ZNF804B: variants seen among roughly 807,000 people sequenced by gnomAD.
ZNF804B encodes the protein zinc finger 804B.
In ZNF804B, 80 loss-of-function variants were observed where a neutral mutation model predicts 101.4. The ratio of observed to expected loss-of-function variants is 0.79; its 90% CI spans 0.66 to 0.95. The LOEUF (loss-of-function observed/expected upper bound fraction) is 0.95, where lower values mean the gene tolerates loss of function less well. Ranked by LOEUF, ZNF804B falls within the 40% of genes least tolerant of loss-of-function variation. The pLI, the probability that ZNF804B is intolerant of heterozygous loss-of-function variation, is 0.00. For synonymous variants in ZNF804B, 622 were observed against 558.8 expected, an observed-to-expected ratio of 1.11 and a Z score of -1.59; for missense variants, 1,673 against 1,561.9, an observed-to-expected ratio of 1.07 and a Z score of -1.20.
chr7:89,128,152 G>A (rs539232973), intron 1 of ZNF804B, among the ~76,000 whole-genome samples: 3 of 151,424 alleles, frequency 2.0e-5, no homozygotes, highest in African/African-American at 7.3e-5. Context: ...ATTTTTTTTA[G>A]TATAAAATCT....
chr7:89,051,225 A>T (rs910705879), intron 1 of ZNF804B, among the ~76,000 whole-genome samples: 5 of 152,136 alleles, frequency 3.3e-5, no homozygotes, highest in Non-Finnish European at 5.9e-5. Flanking sequence ...AGTAAAAAAA[A>T]AATTCCAGAA....
At chr7:88,809,720 G>A (rs1394533047) in intron 1 of ZNF804B, among the ~76,000 whole-genome samples, 2 of 152,136 alleles carry the variant, frequency 1.3e-5, no homozygotes, top group Non-Finnish European at 2.9e-5. Context: ...TTTATTGACA[G>A]TATTGATTTG....
At chr7:89,208,778 C>T (rs6952696) in intron 1 of ZNF804B, among the ~76,000 whole-genome samples, 43,985 of 151,850 alleles carry the variant, frequency 0.29, 6,571 homozygotes, top group South Asian at 0.34. Context: ...TTTGAGAGGC[C>T]GAGGTGGGTG....
At position 89,310,031 on chromosome 7, in the gene ZNF804B, C is replaced by T. The variant is rs1402117160; in HGVS notation, c.250-17313C>T. On this transcript the variant is annotated intron_variant, in intron 2 of 3. Coordinates refer to ENST00000333190, the MANE Select transcript of ZNF804B (RefSeq NM_181646.5). ...AGCAAGTGAAGTTCTTCTAACAAGT[C>T]GTGTGAGAGTGGAAGTCTACTCAGG... 1.5e-4 allele frequency among the ~76,000 whole-genome samples: 23 copies of T among 150,148 alleles called. No individual in the cohort carries two copies. The Admixed American group carries it at 1.5e-3, about 10-fold the overall frequency.
intron 2 of ZNF804B, among the ~76,000 whole-genome samples, chr7:89,282,241 GC>G (rs1314768890): frequency 6.8e-6 from 1 of 146,802 alleles, no homozygotes. Flanking sequence ...CAGTGGCAAA[GC>G]ACAAATCTGG....
chr7:89,228,431 A>G (rs1341728631), intron 2 of ZNF804B, among the ~76,000 whole-genome samples: 1 of 152,046 alleles, frequency 6.6e-6, no homozygotes, highest in African/African-American at 2.4e-5. Context: ...TGTGTTTACA[A>G]TCCCTGAGCT....
Position 88,841,418 on chromosome 7 carries a change from A to G in ZNF804B, c.108+81334A>G, listed in dbSNP as rs1030878718. The stretch of plus-strand genomic sequence containing the variant: ...ACATAATAAAGCCACAATAAAAACT[A>G]TGGACATAGAAACTTGGGTGAGCTT... On this transcript the variant is annotated intron_variant, in intron 1 of 3. Coordinates refer to ENST00000333190, the MANE Select transcript of ZNF804B (RefSeq NM_181646.5). Among the ~76,000 whole-genome samples, 4 of 152,186 alleles carry G rather than the reference A, an allele frequency of 2.6e-5. No individual in the cohort carries two copies. The East Asian group carries it at 5.8e-4, about 22-fold the overall frequency.
intron 1 of ZNF804B, among the ~76,000 whole-genome samples, chr7:88,926,944 G>GGGGA (rs1554346838): frequency 3.5e-5 from 3 of 85,838 alleles, no homozygotes; most frequent in East Asian, 4.4e-4. Context: ...GGTGGGGAGC[G>GGGGA]GGGGGAAAGC....
At chr7:89,006,624 T>C (rs1252142625) in intron 1 of ZNF804B, among the ~76,000 whole-genome samples, 1 of 152,106 alleles carries the variant, frequency 6.6e-6, no homozygotes, top group Non-Finnish European at 1.5e-5. Context: ...TTAGATGCCA[T>C]GGCCATATTA....
intron 1 of ZNF804B, among the ~76,000 whole-genome samples, chr7:89,182,795 G>T (rs754105742): frequency 1.3e-5 from 2 of 152,244 alleles, no homozygotes; most frequent in Non-Finnish European, 2.9e-5. Flanking sequence ...TTCTGCACAG[G>T]ATTGTACTTT....
intron 1 of ZNF804B, among the ~76,000 whole-genome samples, chr7:89,069,828 A>T (rs929511472): frequency 6.6e-6 from 1 of 152,182 alleles, no homozygotes; most frequent in Non-Finnish European, 1.5e-5. Context: ...ACCTTGGAAG[A>T]TTATTTCTTT....
chr7:89,100,850 T>C (rs752513935), intron 1 of ZNF804B, among the ~76,000 whole-genome samples: 1 of 151,936 alleles, frequency 6.6e-6, no homozygotes, highest in Non-Finnish European at 1.5e-5. Context: ...TAAATACATA[T>C]ACCCACTATG....
intron 1 of ZNF804B, among the ~76,000 whole-genome samples, chr7:89,012,579 T>C (rs771657309): frequency 6.6e-6 from 1 of 152,166 alleles, no homozygotes; most frequent in African/African-American, 2.4e-5. Context: ...TGACCTTTGC[T>C]CCACTTCCCA....
At chr7:88,857,813 C>CTTTCA (rs1791590108) in intron 1 of ZNF804B, among the ~76,000 whole-genome samples, 1 of 122,024 alleles carries the variant, frequency 8.2e-6, no homozygotes, top group Non-Finnish European at 1.7e-5. Flanking sequence ...TTCTCCTTTC[C>CTTTCA]TTTCTTTTCT....
chr7:89,218,485 A>G lies in ZNF804B; in HGVS notation c.249+190A>G, dbSNP rs143408588. On this transcript the variant is annotated intron_variant, in intron 2 of 3. Transcript: ENST00000333190. ...AAAGTCATTTTTTCCTAGAACTACTATAAAGCTGGAGGTAAACTTAGAGAT... is the reference window on the plus strand; with the variant it reads ...AAAGTCATTTTTTCCTAGAACTACTGTAAAGCTGGAGGTAAACTTAGAGAT... Among the ~76,000 whole-genome samples, 716 of 152,274 alleles carry G rather than the reference A, an allele frequency of 4.7e-3. 13 individuals carry two copies. Among genetic ancestry groups the G allele is most frequent in the African/African-American group, 0.016 (676 of 41,562 alleles).
At chr7:88,875,891 C>T (rs1282325908) in intron 1 of ZNF804B, among the ~76,000 whole-genome samples, 5 of 152,160 alleles carry the variant, frequency 3.3e-5, no homozygotes, top group Non-Finnish European at 7.3e-5. Context: ...CCTTGATGAA[C>T]ATTGATGCAA....
intron 2 of ZNF804B, among the ~76,000 whole-genome samples, chr7:89,323,989 A>G (rs1790860308): frequency 6.6e-6 from 1 of 152,100 alleles, no homozygotes; most frequent in Non-Finnish European, 1.5e-5. Context: ...CTAAGCCAAA[A>G]CATGAGGCTG....
chr7:89,331,892 A>G (rs1790989408), intron 3 of ZNF804B, among the ~76,000 whole-genome samples: 2 of 151,570 alleles, frequency 1.3e-5, no homozygotes, highest in South Asian at 4.1e-4. Flanking sequence ...TCAAGGGAAA[A>G]AAATGTATCT....
intron 1 of ZNF804B, among the ~76,000 whole-genome samples, chr7:88,891,378 A>G (rs1792211337): frequency 6.6e-6 from 1 of 152,038 alleles, no homozygotes; most frequent in Non-Finnish European, 1.5e-5. Flanking sequence ...TTTGTCCAAT[A>G]ATAATAGCTA....
Sources: allele counts gnomAD v4.1 joint callset (sites outside exome capture counted in the v4.1 genomes callset), GRCh38; gene constraint gnomAD v4.1.1; transcripts MANE v1.5; gene names NCBI Gene and HGNC (gene_info 2026-07-23, HGNC 2026-07-21).